Variants in OXR1 observed in about 807,000 individuals in gnomAD.
OXR1 encodes the protein oxidation resistance 1.
A neutral mutation model predicts 104.6 loss-of-function variants in OXR1; 41 were observed. That is an observed-to-expected ratio of 0.39 (90% confidence interval 0.31 to 0.51). The LOEUF (loss-of-function observed/expected upper bound fraction) is 0.51. Ranked by LOEUF, OXR1 falls within the 20% of genes least tolerant of loss-of-function variation. The probability of loss-of-function intolerance (pLI) is 0.77; values close to 1 mark genes in which losing one functional copy is unlikely to be tolerated. For synonymous variants in OXR1, 348 were observed against 348.4 expected (o/e 1.00, Z 0.01); for missense variants, 955 against 1,031.9 (o/e 0.93, Z 1.02).
intron 2 of OXR1, among the ~76,000 whole-genome samples, chr8:106,509,112 G>A (rs1812358861): frequency 6.6e-6 from 1 of 152,098 alleles, no homozygotes; most frequent in Non-Finnish European, 1.5e-5. Flanking sequence ...AATCGATGTG[G>A]CAATAGCGTG....
intron 4 of OXR1, among the ~76,000 whole-genome samples, chr8:106,682,265 CTTTTTTTTT>C (rs760684524): frequency 6.2e-4 from 73 of 117,862 alleles, no homozygotes; most frequent in Non-Finnish European, 1.2e-3. Flanking sequence ...AGAGCTCTCT[CTTTTTTTTT>C]TTTTTTTTTT....
At chr8:106,405,968 T>G (rs927492710) in intron 2 of OXR1, among the ~76,000 whole-genome samples, 1 of 152,174 alleles carries the variant, frequency 6.6e-6, no homozygotes, top group African/African-American at 2.4e-5. Context: ...AACATTATAT[T>G]AAATAACTCT....
intron 2 of OXR1, among the ~76,000 whole-genome samples, chr8:106,389,302 A>G (rs1191079260): frequency 6.6e-6 from 1 of 152,222 alleles, no homozygotes; most frequent in African/African-American, 2.4e-5. Context: ...TAACTTTATA[A>G]GGAAAGATAA....
At chr8:106,640,513 C>T (rs1362300736) in intron 3 of OXR1, among the ~76,000 whole-genome samples, 1 of 151,712 alleles carries the variant, frequency 6.6e-6, no homozygotes, top group African/African-American at 2.4e-5. Flanking sequence ...TTTATTTTAT[C>T]TAAGACATAT....
At chr8:106,403,221 G>C (rs564765305) in intron 2 of OXR1, among the ~76,000 whole-genome samples, 2 of 152,308 alleles carry the variant, frequency 1.3e-5, no homozygotes, top group East Asian at 1.9e-4. Context: ...AATTTAGTAG[G>C]CTTCCTATTT....
At chr8:106,390,834 A>G (rs1817561854) in intron 2 of OXR1, among the ~76,000 whole-genome samples, 1 of 152,210 alleles carries the variant, frequency 6.6e-6, no homozygotes, top group South Asian at 2.1e-4. Flanking sequence ...CTCACACATA[A>G]GACTCTCCAA....
chr8:106,674,434 A>G (rs1187512228), intron 3 of OXR1, among the ~76,000 whole-genome samples: 12 of 152,204 alleles, frequency 7.9e-5, no homozygotes, highest in Admixed American at 7.8e-4. Context: ...GGAAGTAACT[A>G]ACTTGCTTTT....
At chr8:106,564,182 A>G (rs1289756846) in intron 3 of OXR1, among the ~76,000 whole-genome samples, 2 of 152,202 alleles carry the variant, frequency 1.3e-5, no homozygotes, top group African/African-American at 2.4e-5. Flanking sequence ...CAAAAAATCA[A>G]TGAATCCAGG....
In OXR1 at chr8:106,750,797, G is replaced by A; in HGVS notation, c.2487-9G>A. On this transcript the variant is annotated splice_polypyrimidine_tract_variant and intron_variant, in intron 16 of 16. Coordinates refer to ENST00000517566, the MANE Select transcript of OXR1 (RefSeq NM_001198533.2). ...TAAATATTAACAGATTATTATTTAT[G>A]TATTGCAGAGGAGAATTTGCGCTTT... is the stretch of plus-strand genomic sequence containing the variant. The A allele has an allele frequency of 6.4e-7, 1 of 1,567,886 alleles. No homozygotes were observed. Among genetic ancestry groups the A allele is most frequent in the East Asian group, 2.3e-5 (1 of 44,360 alleles).
intron 3 of OXR1, among the ~76,000 whole-genome samples, chr8:106,564,932 C>A (rs1341256848): frequency 6.6e-6 from 1 of 152,170 alleles, no homozygotes; most frequent in Non-Finnish European, 1.5e-5. Context: ...ATTCAACACA[C>A]CTTCATGCTA....
chr8:106,617,686 C>A (rs1465165450), intron 3 of OXR1, among the ~76,000 whole-genome samples: 1 of 152,150 alleles, frequency 6.6e-6, no homozygotes, highest in African/African-American at 2.4e-5. Flanking sequence ...TATAAAGGTA[C>A]AGAACACCAG....
intron 3 of OXR1, among the ~76,000 whole-genome samples, chr8:106,584,089 C>A (rs910996708): frequency 2.7e-5 from 4 of 149,640 alleles, no homozygotes; most frequent in African/African-American, 1.0e-4. Flanking sequence ...ATCCAGGAAA[C>A]CAAAATAGGG....
At chr8:106,626,223 T>A (rs1822146150) in intron 3 of OXR1, among the ~76,000 whole-genome samples, 1 of 151,882 alleles carries the variant, frequency 6.6e-6, no homozygotes. Flanking sequence ...AAAAAAATTT[T>A]TAAAAAGATA....
intron 2 of OXR1, among the ~76,000 whole-genome samples, chr8:106,377,260 T>G (rs1464907576): frequency 1.3e-5 from 2 of 152,042 alleles, no homozygotes; most frequent in African/African-American, 4.8e-5. Context: ...CATAGCTCAC[T>G]CTAACCTGAA....
At chr8:106,325,728 A>G (rs1350161956) in intron 1 of OXR1, among the ~76,000 whole-genome samples, 2 of 152,254 alleles carry the variant, frequency 1.3e-5, no homozygotes, top group African/African-American at 4.8e-5. Context: ...TGAATGCTTT[A>G]GGAATATACC....
At chr8:106,377,939 G>C (rs1267276537) in intron 2 of OXR1, among the ~76,000 whole-genome samples, 1 of 152,136 alleles carries the variant, frequency 6.6e-6, no homozygotes, top group Non-Finnish European at 1.5e-5. Context: ...TGTAGTATAG[G>C]TGCTATCTTC....
intron 8 of OXR1, among the ~76,000 whole-genome samples, chr8:106,704,903 T>A (rs1830997874): frequency 6.6e-6 from 1 of 152,172 alleles, no homozygotes; most frequent in South Asian, 2.1e-4. Context: ...TATGGATTGA[T>A]TAAAAACAAT....
intron 1 of OXR1, among the ~76,000 whole-genome samples, chr8:106,275,800 C>A (rs1812014358): frequency 6.6e-6 from 1 of 152,134 alleles, no homozygotes; most frequent in African/African-American, 2.4e-5. Context: ...CACACACACA[C>A]ACACAGAGCA....
At chr8:106,315,082 G>T (rs1450637382) in intron 1 of OXR1, among the ~76,000 whole-genome samples, 3 of 151,740 alleles carry the variant, frequency 2.0e-5, no homozygotes, top group Non-Finnish European at 2.9e-5. Context: ...TATTTGAGAG[G>T]CATTGTAGTA....
Sources: gnomAD v4.1 joint callset for allele counts (sites outside exome capture counted in the v4.1 genomes callset) on GRCh38, gnomAD v4.1.1 for gene constraint, MANE v1.5 for transcripts, NCBI Gene and HGNC (gene_info 2026-07-23, HGNC 2026-07-21) for gene names.